The following ARHGAP18 variants were observed in gnomAD, a reference collection of about 807,000 sequenced individuals.
ARHGAP18 encodes Rho GTPase activating protein 18.
A neutral mutation model predicts 86.2 loss-of-function variants in ARHGAP18; 67 were observed. That is an observed-to-expected ratio of 0.78 (90% CI 0.64 to 0.95). The LOEUF (loss-of-function observed/expected upper bound fraction) is 0.95, where lower values mean the gene tolerates loss of function less well. Among genes scored for constraint, ARHGAP18 ranks in the 40% least tolerant of loss-of-function variants. ARHGAP18 has a pLI of 0.00. For synonymous variants in ARHGAP18, 283 were observed against 280.4 expected (o/e 1.01, Z -0.09); for missense variants, 691 against 780.4 (o/e 0.89, Z 1.37).
At chr6:129,659,270 G>C (rs561362748) in intron 1 of ARHGAP18, among the ~76,000 whole-genome samples, 1 of 152,166 alleles carries the variant, frequency 6.6e-6, no homozygotes, top group African/African-American at 2.4e-5. Context: ...TCTCCTCGTA[G>C]AGCCCAGCAG....
chr6:129,675,370 C>A lies in ARHGAP18; in HGVS notation c.114-33352G>T, dbSNP rs1456663480. ...CTGCACTCCAGCCTGGGCAACAGAGCGAGACTCCATCTCAAAAAAAAAAAA... is the reference window on the plus strand; with the variant it reads ...CTGCACTCCAGCCTGGGCAACAGAGAGAGACTCCATCTCAAAAAAAAAAAA... On this transcript the variant is annotated intron_variant, in intron 1 of 14. Transcript: ENST00000368149. 4.4e-5 allele frequency among the ~76,000 whole-genome samples: 6 copies of A among 137,362 alleles called. No homozygotes were observed. The South Asian group carries it at 1.2e-3, about 27-fold the overall frequency. The allele number at this position is 137,362 out of a possible 152,430, so 90.1% of individuals were successfully genotyped here. A position where few individuals can be genotyped will look rare whatever the true frequency, so the allele number is the denominator to read the frequency against.
chr6:129,605,306 A>T (rs910548247), intron 10 of ARHGAP18, among the ~76,000 whole-genome samples: 1 of 152,148 alleles, frequency 6.6e-6, no homozygotes, highest in Non-Finnish European at 1.5e-5. Context: ...ATCACTTCAA[A>T]ATGGTGATAT....
rs115771161 is a variant in ARHGAP18 at position 129,589,969 on chromosome 6, C to T, written c.1714-5857G>A. On this transcript the variant is annotated intron_variant, in intron 12 of 14. Transcript: ENST00000368149. The stretch of plus-strand genomic sequence containing the variant: ...GTCCAAACATTGAAGAACTTGGAGT[C>T]CAATGTTCCAGAGCAGGAAGCATCC... Among the ~76,000 whole-genome samples the T allele has an allele frequency of 6.7e-4, 102 of 152,254 alleles. 1 individual carries two copies. The highest frequency in any genetic ancestry group is 2.3e-3 in the African/African-American group (97 of 41,552).
At chr6:129,580,806 T>C (rs762802233) in intron 13 of ARHGAP18, among the ~76,000 whole-genome samples, 13 of 151,820 alleles carry the variant, frequency 8.6e-5, no homozygotes, top group African/African-American at 2.2e-4. Flanking sequence ...GCCCAGGAGA[T>C]GGATGTTGCA....
chr6:129,622,144 A>G (rs1244585420), intron 5 of ARHGAP18, among the ~76,000 whole-genome samples: 2 of 152,148 alleles, frequency 1.3e-5, no homozygotes, highest in Non-Finnish European at 2.9e-5. Context: ...CACACATCCT[A>G]CAGGGAGGCG....
chr6:129,634,149 C>A, intron 3 of ARHGAP18, 44 bp from the exon 4 acceptor site: 1 of 1,552,400 alleles, frequency 6.4e-7, no homozygotes, highest in Non-Finnish European at 8.9e-7. Flanking sequence ...CAACTCAAAA[C>A]CAGAGAAAAT....
At chr6:129,589,785 T>A (rs1788474560) in intron 12 of ARHGAP18, among the ~76,000 whole-genome samples, 1 of 152,050 alleles carries the variant, frequency 6.6e-6, no homozygotes, top group Admixed American at 6.6e-5. Flanking sequence ...ACTCACACGA[T>A]CACAAGGTGA....
chr6:129,700,340 C>T (rs2114554840), intron 1 of ARHGAP18, among the ~76,000 whole-genome samples: 1 of 152,274 alleles, frequency 6.6e-6, no homozygotes, highest in Middle Eastern at 3.4e-3. Context: ...TTAAGAGTAA[C>T]AAACACTCTG....
At chr6:129,671,012 C>A (rs1007039717) in intron 1 of ARHGAP18, among the ~76,000 whole-genome samples, 10 of 152,176 alleles carry the variant, frequency 6.6e-5, no homozygotes, top group Admixed American at 6.5e-4. Context: ...GTTACAGTAT[C>A]TTAGAGATGT....
At position 129,704,074 on chromosome 6, in the gene ARHGAP18, A is replaced by G. The variant is rs1774764381; in HGVS notation, c.113+5950T>C. On this transcript the variant is annotated intron_variant, in intron 1 of 14. Coordinates refer to ENST00000368149, the MANE Select transcript of ARHGAP18 (RefSeq NM_033515.3). ...GGTTTTTAAAATCCTGTGAAGATTC[A>G]TGTAAAAACACTGAACTAATCAAGA... Among the ~76,000 whole-genome samples the G allele has an allele frequency of 2.0e-5, 3 of 151,868 alleles. No homozygotes were observed. The South Asian group carries it at 6.2e-4, about 32-fold the overall frequency.
intron 1 of ARHGAP18, among the ~76,000 whole-genome samples, chr6:129,652,344 A>G (rs576782898): frequency 1.3e-5 from 2 of 152,236 alleles, no homozygotes; most frequent in South Asian, 2.1e-4. Flanking sequence ...ATTTTTGTCA[A>G]CCTTTACCCA....
chr6:129,625,286 A>G (rs1346967525), intron 5 of ARHGAP18, among the ~76,000 whole-genome samples: 1 of 79,504 alleles, frequency 1.3e-5, no homozygotes, highest in Non-Finnish European at 2.2e-5. Flanking sequence ...TATATGTAAT[A>G]TATATGATAT....
chr6:129,582,521 A>G (rs1235271258), intron 13 of ARHGAP18, among the ~76,000 whole-genome samples: 1 of 152,308 alleles, frequency 6.6e-6, no homozygotes. Flanking sequence ...AAGAATGGCA[A>G]AAGTTAGTAT....
intron 1 of ARHGAP18, among the ~76,000 whole-genome samples, chr6:129,693,978 G>T (rs1033506690): frequency 2.6e-5 from 4 of 152,180 alleles, no homozygotes; most frequent in Admixed American, 6.5e-5. Context: ...GAATTTTGTA[G>T]AAGTATTTAC....
At chr6:129,692,618 AC>A (rs756028098) in intron 1 of ARHGAP18, among the ~76,000 whole-genome samples, 8 of 152,222 alleles carry the variant, frequency 5.3e-5, no homozygotes, top group Admixed American at 2.0e-4. Context: ...TTGAGTGGAC[AC>A]AGAATTCTAT....
intron 1 of ARHGAP18, among the ~76,000 whole-genome samples, chr6:129,647,854 T>C (rs1773612170): frequency 6.6e-6 from 1 of 152,158 alleles, no homozygotes; most frequent in African/African-American, 2.4e-5. Context: ...GGCCTCAAGG[T>C]TAAATCTTCC....
intron 3 of ARHGAP18, 88 bp downstream of exon 3, chr6:129,638,306 C>T (rs1302392163): frequency 2.1e-5 from 27 of 1,301,424 alleles, no homozygotes; most frequent in Middle Eastern, 1.9e-4. Context: ...GTGATCATTA[C>T]GTTTTTAATC....
At chr6:129,699,585 A>T (rs1774677740) in intron 1 of ARHGAP18, among the ~76,000 whole-genome samples, 1 of 152,234 alleles carries the variant, frequency 6.6e-6, no homozygotes, top group South Asian at 2.1e-4. Flanking sequence ...TTTTCTGGCT[A>T]GTAAAAAGAA....
At chr6:129,625,322 TATGATATATGA>T (rs1309729306) in intron 5 of ARHGAP18, among the ~76,000 whole-genome samples, 14 of 83,232 alleles carry the variant, frequency 1.7e-4, no homozygotes, top group African/African-American at 7.0e-4. Flanking sequence ...ATGTAATATA[TATGATATATGA>T]TATATATTTA....
Sources: gnomAD v4.1 joint callset for allele counts (sites outside exome capture counted in the v4.1 genomes callset) on GRCh38, gnomAD v4.1.1 for gene constraint, MANE v1.5 for transcripts, NCBI Gene and HGNC (gene_info 2026-07-23, HGNC 2026-07-21) for gene names.